The following CDH2 variants were observed in gnomAD, a reference collection of about 807,000 sequenced individuals.
The protein encoded by CDH2 is cadherin 2, also known as cadherin-2.
CDH2 carries 17 observed loss-of-function variants against 92.0 expected under a neutral mutation model. The observed-to-expected ratio is 0.18, with a 90% confidence interval of 0.13 to 0.28. The LOEUF (loss-of-function observed/expected upper bound fraction) is 0.28, where lower values mean the gene tolerates loss of function less well. CDH2 is among the 10% of genes least tolerant of loss of function. CDH2 has a pLI of 1.00. For missense variants in CDH2, 862 were observed against 1,133.1 expected (o/e 0.76, Z 3.44); for synonymous variants, 419 against 415.9 (o/e 1.01, Z -0.09).
intron 6 of CDH2, among the ~76,000 whole-genome samples, chr18:27,936,947 T>C (rs1294740573): frequency 2.6e-5 from 4 of 152,354 alleles, no homozygotes; most frequent in Non-Finnish European, 4.4e-5. Flanking sequence ...GTTTTAGAGA[T>C]ATTCTAATTC....
intron 2 of CDH2, among the ~76,000 whole-genome samples, chr18:28,069,535 G>C (rs1372759499): frequency 6.6e-6 from 1 of 151,948 alleles, no homozygotes; most frequent in Non-Finnish European, 1.5e-5. Context: ...TGCTTTCCAG[G>C]GTACCTTAGC....
chr18:28,175,928 G>A (rs1311135887), intron 1 of CDH2, among the ~76,000 whole-genome samples: 2 of 152,174 alleles, frequency 1.3e-5, no homozygotes, highest in African/African-American at 4.8e-5. Context: ...CCAGCTAGAG[G>A]GTCCCGGCCG....
intron 2 of CDH2, among the ~76,000 whole-genome samples, chr18:28,053,667 C>G (rs2014236608): frequency 6.6e-6 from 1 of 152,168 alleles, no homozygotes; most frequent in Admixed American, 6.5e-5. Context: ...GCTGCAGCCC[C>G]AGAGTTCGTT....
intron 11 of CDH2, 115 bp from the exon 12 acceptor site, chr18:27,985,876 G>A: frequency 1.6e-6 from 1 of 640,646 alleles, no homozygotes; most frequent in Non-Finnish European, 2.7e-6. Context: ...TGTAACCTTG[G>A]AAAAACATAG....
chr18:27,993,652 A>T lies in CDH2; in HGVS notation c.1021-15T>A. On this transcript the variant is annotated splice_polypyrimidine_tract_variant and intron_variant, in intron 7 of 15. Transcript: ENST00000269141. ...TGTTGCACTTTCTAAAAAGACATAA[A>T]GATAAGAACTTAAATGAAACTAATT... is the stretch of plus-strand genomic sequence containing the variant. The T allele has an allele frequency of 6.3e-7, 1 of 1,592,760 alleles. No individual in the cohort carries two copies. Among genetic ancestry groups the T allele is most frequent in the Non-Finnish European group, 8.6e-7 (1 of 1,162,860 alleles).
chr18:27,988,838 C>T (rs1402130000), intron 10 of CDH2, among the ~76,000 whole-genome samples, 172 bp from the exon 11 acceptor site: 1 of 152,124 alleles, frequency 6.6e-6, no homozygotes, highest in Non-Finnish European at 1.5e-5. Context: ...TTGGGAGGCA[C>T]ATAAAGGTTG....
At chr18:27,997,589 T>C (rs899303489) in intron 7 of CDH2, among the ~76,000 whole-genome samples, 1 of 152,094 alleles carries the variant, frequency 6.6e-6, no homozygotes, top group Non-Finnish European at 1.5e-5. Flanking sequence ...ACTAAACAGA[T>C]TGCAGGTAGA....
At chr18:27,993,422 C>A in intron 8 of CDH2, 78 bp downstream of exon 8, 1 of 1,414,068 alleles carries the variant, frequency 7.1e-7, no homozygotes, top group Admixed American at 2.0e-5. Flanking sequence ...CTCTATTTAA[C>A]ACATTTATTA....
chr18:28,176,275 A>G (rs778341872), intron 1 of CDH2, among the ~76,000 whole-genome samples: 2 of 152,182 alleles, frequency 1.3e-5, no homozygotes, highest in African/African-American at 4.8e-5. Flanking sequence ...CGGGGGAGAT[A>G]CTAGGCGTGA....
intron 15 of CDH2, among the ~76,000 whole-genome samples, chr18:27,962,871 A>G (rs1414996370): frequency 3.9e-5 from 6 of 152,040 alleles, no homozygotes; most frequent in African/African-American, 1.5e-4. Context: ...TAAATCACTT[A>G]CATAATATTT....
intron 2 of CDH2, among the ~76,000 whole-genome samples, chr18:28,061,790 G>A (rs557093745): frequency 1.6e-4 from 24 of 152,230 alleles, no homozygotes; most frequent in Middle Eastern, 6.8e-3. Context: ...CTTACATGGC[G>A]GCAGGCAAGA....
intron 6 of CDH2, among the ~76,000 whole-genome samples, chr18:27,934,336 A>G (rs1296819758): frequency 2.6e-5 from 4 of 152,172 alleles, no homozygotes; most frequent in Non-Finnish European, 5.9e-5. Context: ...TTCTGAGAGC[A>G]ATCTGAGTGC....
intron 5 of CDH2, among the ~76,000 whole-genome samples, chr18:28,006,929 T>C (rs1331534619): frequency 6.6e-6 from 1 of 151,356 alleles, no homozygotes; most frequent in Non-Finnish European, 1.5e-5. Context: ...CTCAGAACTT[T>C]GGGAGGCTGA....
chr18:28,153,729 T>C (rs1387582112), intron 1 of CDH2, among the ~76,000 whole-genome samples: 1 of 152,202 alleles, frequency 6.6e-6, no homozygotes, highest in Non-Finnish European at 1.5e-5. Flanking sequence ...CACCAACTCA[T>C]AGGGCAGATG....
intron 6 of CDH2, among the ~76,000 whole-genome samples, chr18:27,936,810 C>T (rs1909030941): frequency 6.6e-6 from 1 of 152,032 alleles, no homozygotes; most frequent in African/African-American, 2.4e-5. Flanking sequence ...CTGGGATTGG[C>T]ATTACAGGCT....
chr18:27,993,682 A>C, intron 7 of CDH2, 45 bp from the exon 8 acceptor site: 1 of 1,425,550 alleles, frequency 7.0e-7, no homozygotes, highest in Non-Finnish European at 9.8e-7. Context: ...CTAATTCCTC[A>C]AGAAGACATA....
At chr18:28,126,805 G>A (rs2015684823) in intron 2 of CDH2, among the ~76,000 whole-genome samples, 2 of 152,192 alleles carry the variant, frequency 1.3e-5, no homozygotes, top group Admixed American at 6.5e-5. Context: ...GTCTGGTGGG[G>A]AAAAGTGACT....
intron 6 of CDH2, among the ~76,000 whole-genome samples, chr18:27,937,693 T>C (rs1490025951): frequency 6.6e-6 from 1 of 152,172 alleles, no homozygotes; most frequent in East Asian, 1.9e-4. Flanking sequence ...GGATTATAAG[T>C]GAGCCAAGGA....
intron 2 of CDH2, chr18:28,036,451 A>G: frequency 8.3e-7 from 1 of 1,201,428 alleles, no homozygotes; most frequent in Admixed American, 1.7e-5. Context: ...TATGGAATGA[A>G]TAAGGCAATT....
Sources: gnomAD v4.1 joint callset for allele counts (sites outside exome capture counted in the v4.1 genomes callset) on GRCh38, gnomAD v4.1.1 for gene constraint, MANE v1.5 for transcripts, NCBI Gene and HGNC (gene_info 2026-07-23, HGNC 2026-07-21) for gene names.